The following CTIF variants were observed in gnomAD, a reference collection of about 807,000 sequenced individuals.
CTIF encodes the protein cap binding complex dependent translation initiation factor.
In CTIF, 21 loss-of-function variants were observed where a neutral mutation model predicts 66.0. The ratio of observed to expected loss-of-function variants is 0.32; its 90% CI spans 0.23 to 0.46. CTIF has a LOEUF of 0.46. Among genes scored for constraint, CTIF ranks in the 20% least tolerant of loss-of-function variants. CTIF has a pLI of 1.00. For missense variants in CTIF, 739 were observed against 812.7 expected (o/e 0.91, Z 1.10); for synonymous variants, 345 against 326.4 (o/e 1.06, Z -0.62).
chr18:48,641,482 G>A (rs1348211897), intron 3 of CTIF, among the ~76,000 whole-genome samples: 1 of 152,206 alleles, frequency 6.6e-6, no homozygotes, highest in Non-Finnish European at 1.5e-5. Context: ...GAAAGATGGG[G>A]GTGTGTCACA....
chr18:48,830,370 G>A (rs1298372988), intron 10 of CTIF, among the ~76,000 whole-genome samples: 1 of 152,080 alleles, frequency 6.6e-6, no homozygotes, highest in Non-Finnish European at 1.5e-5. Context: ...CACTATGTTG[G>A]CCAGGCTGAT....
intron 1 of CTIF, among the ~76,000 whole-genome samples, chr18:48,558,595 G>A (rs947668437): frequency 2.0e-5 from 3 of 152,182 alleles, no homozygotes; most frequent in African/African-American, 7.2e-5. Context: ...AAAGTGGTCA[G>A]CACCTAAAGA....
chr18:48,759,780 C>T (rs904068546), intron 8 of CTIF, among the ~76,000 whole-genome samples: 1 of 152,148 alleles, frequency 6.6e-6, no homozygotes, highest in Non-Finnish European at 1.5e-5. Context: ...CCCAGATGGT[C>T]GGAAGAGAGG....
At chr18:48,859,243 A>G in intron 11 of CTIF, 101 bp from the exon 12 acceptor site, 1 of 1,011,490 alleles carries the variant, frequency 9.9e-7, no homozygotes, top group Non-Finnish European at 1.6e-6. Flanking sequence ...GTGTGTCCTT[A>G]AGACAACCCA....
At chr18:48,743,804 G>C (rs1372127678) in intron 7 of CTIF, among the ~76,000 whole-genome samples, 1 of 152,084 alleles carries the variant, frequency 6.6e-6, no homozygotes, top group Admixed American at 6.5e-5. Context: ...ACACTTAAGA[G>C]TGTTTCCAAG....
chr18:48,844,378 C>T lies in CTIF; in HGVS notation c.1528-13210C>T, dbSNP rs892292198. On this transcript the variant is annotated intron_variant, in intron 10 of 11. Coordinates refer to ENST00000256413, the MANE Select transcript of CTIF (RefSeq NM_014772.3). ...AGAAGCCGCTGGAGTTGTAGCCCTG[C>T]CTTCTGGATCCAATGTCTCCAGAAG... Among the ~76,000 whole-genome samples, 8 of 152,334 alleles carry T rather than the reference C, an allele frequency of 5.3e-5. No individual in the cohort carries two copies. In the East Asian group the frequency reaches 1.4e-3, roughly 26 times the overall value.
At chr18:48,852,233 TAAAAAAAAAAAAAAAAAAAAAAAA>T (rs10591389) in intron 10 of CTIF, among the ~76,000 whole-genome samples, 3 of 66,596 alleles carry the variant, frequency 4.5e-5, no homozygotes, top group Non-Finnish European at 8.5e-5. Context: ...GACCCTGTCT[TAAAAAAAAAAAAAAAAAAAAAAAA>T]AAAAAGTTCC....
chr18:48,736,068 G>A (rs1487465434), intron 7 of CTIF, among the ~76,000 whole-genome samples: 2 of 152,162 alleles, frequency 1.3e-5, no homozygotes. Context: ...TTCCCGGAGT[G>A]TTATGAAAAC....
intron 3 of CTIF, among the ~76,000 whole-genome samples, chr18:48,647,166 A>G (rs1316983656): frequency 1.3e-5 from 2 of 152,232 alleles, no homozygotes; most frequent in Non-Finnish European, 2.9e-5. Context: ...GTCTCTGGAA[A>G]TCATGCTGAG....
chr18:48,732,895 G>A (rs923093601), intron 7 of CTIF, among the ~76,000 whole-genome samples: 1 of 152,154 alleles, frequency 6.6e-6, no homozygotes, highest in African/African-American at 2.4e-5. Context: ...ATTCATTCGC[G>A]TTTTCAATAG....
chr18:48,670,589 C>G (rs2091515266), intron 5 of CTIF, 80 bp from the exon 6 acceptor site: 1 of 1,299,726 alleles, frequency 7.7e-7, no homozygotes, highest in Non-Finnish European at 1.1e-6. Flanking sequence ...GCTGACTGTC[C>G]CTCCTCTCCT....
intron 6 of CTIF, among the ~76,000 whole-genome samples, chr18:48,701,836 G>A (rs1042630511): frequency 6.6e-6 from 1 of 152,102 alleles, no homozygotes; most frequent in Admixed American, 6.6e-5. Flanking sequence ...ATAAGGGAGG[G>A]GCCATGTCTG....
chr18:48,806,902 A>G (rs1026732419), intron 9 of CTIF, among the ~76,000 whole-genome samples: 8 of 152,168 alleles, frequency 5.3e-5, no homozygotes, highest in African/African-American at 1.9e-4. Flanking sequence ...CGGGGCTTAA[A>G]TGGTAGCCTT....
At chr18:48,541,035 G>T (rs1339823241) in intron 1 of CTIF, among the ~76,000 whole-genome samples, 2 of 152,292 alleles carry the variant, frequency 1.3e-5, no homozygotes, top group East Asian at 1.9e-4. Context: ...CCGGCGGCGC[G>T]GGGGGTTGGT....
intron 1 of CTIF, among the ~76,000 whole-genome samples, chr18:48,541,966 G>T (rs1298005999): frequency 6.6e-6 from 1 of 152,088 alleles, no homozygotes; most frequent in Non-Finnish European, 1.5e-5. Context: ...CTCTGGGTGG[G>T]GGAAGGGCCA....
At chr18:48,662,744 T>A (rs962438756) in intron 3 of CTIF, 2 of 152,134 alleles carry the variant, frequency 1.3e-5, no homozygotes, top group African/African-American at 4.8e-5. Flanking sequence ...GTTTGCCTGT[T>A]CCTGAACATA....
At chr18:48,689,845 G>A (rs1301019467) in intron 6 of CTIF, among the ~76,000 whole-genome samples, 1 of 152,144 alleles carries the variant, frequency 6.6e-6, no homozygotes, top group Non-Finnish European at 1.5e-5. Context: ...ATGGGTCCTG[G>A]GCATGAGGCA....
intron 10 of CTIF, among the ~76,000 whole-genome samples, chr18:48,839,141 C>G (rs1180942046): frequency 6.6e-6 from 1 of 152,166 alleles, no homozygotes; most frequent in Non-Finnish European, 1.5e-5. Flanking sequence ...CACGGCTCGG[C>G]TAGGCCACTG....
chr18:48,854,572 C>A (rs192997191), intron 10 of CTIF, among the ~76,000 whole-genome samples: 5 of 152,140 alleles, frequency 3.3e-5, no homozygotes, highest in African/African-American at 1.2e-4. Flanking sequence ...CCATGCCTGG[C>A]CAGGTCCCTC....
Sources: gnomAD v4.1 joint callset for allele counts (sites outside exome capture counted in the v4.1 genomes callset) on GRCh38, gnomAD v4.1.1 for gene constraint, MANE v1.5 for transcripts, NCBI Gene and HGNC (gene_info 2026-07-23, HGNC 2026-07-21) for gene names.